Variants in SERP2 observed in about 807,000 individuals in gnomAD.
SERP2 encodes stress-associated endoplasmic reticulum protein 2.
A neutral mutation model predicts 9.1 loss-of-function variants in SERP2; 6 were observed. That is an observed-to-expected ratio of 0.66 (90% CI 0.36 to 1.30). SERP2 has a LOEUF of 1.30. SERP2 is among the 50% of genes most tolerant of loss of function. SERP2 has a pLI of 0.03. For missense variants in SERP2, 58 were observed against 81.9 expected (o/e 0.71, Z 1.13); for synonymous variants, 37 against 27.3 (o/e 1.35, Z -1.10).
chr13:44,378,141 A>G (rs1218553263), intron 1 of SERP2, among the ~76,000 whole-genome samples: 2 of 152,238 alleles, frequency 1.3e-5, no homozygotes, highest in Admixed American at 6.5e-5. Context: ...TTCCTTTTTT[A>G]GATGAGAAGC....
intron 2 of SERP2, among the ~76,000 whole-genome samples, chr13:44,382,974 G>T (rs1872089409): frequency 6.6e-6 from 1 of 152,194 alleles, no homozygotes; most frequent in Non-Finnish European, 1.5e-5. Flanking sequence ...AGAAGAGAAA[G>T]TTTCCAAGGG....
intron 2 of SERP2, among the ~76,000 whole-genome samples, chr13:44,389,094 C>T (rs779940036): frequency 7.9e-5 from 12 of 152,156 alleles, no homozygotes; most frequent in East Asian, 1.9e-4. Context: ...AACTAAGAAA[C>T]GTTTCTTTGT....
chr13:44,390,434 A>AC, intron 2 of SERP2: 1 of 456,254 alleles, frequency 2.2e-6, no homozygotes, highest in Non-Finnish European at 4.4e-6. Flanking sequence ...GAGTCACCCC[A>AC]CCCCCAAGAC....
At chr13:44,387,518 C>T (rs1202445221) in intron 2 of SERP2, among the ~76,000 whole-genome samples, 1 of 152,150 alleles carries the variant, frequency 6.6e-6, no homozygotes, top group Non-Finnish European at 1.5e-5. Context: ...AGAATGCCTC[C>T]TGGACTTGGT....
At chr13:44,391,910 T>C (rs1872791977) in intron 2 of SERP2, among the ~76,000 whole-genome samples, 2 of 151,852 alleles carry the variant, frequency 1.3e-5, no homozygotes, top group Non-Finnish European at 2.9e-5. Flanking sequence ...AAGAATGGCA[T>C]GTGTAAAAGC....
chr13:44,394,584 A>G (rs144586004), intron 2 of SERP2, among the ~76,000 whole-genome samples: 3 of 152,218 alleles, frequency 2.0e-5, no homozygotes, highest in Admixed American at 1.3e-4. Context: ...CATCCTGCTG[A>G]TAAGTTTTTG....
intron 2 of SERP2, among the ~76,000 whole-genome samples, chr13:44,392,123 G>A (rs1200238237): frequency 4.3e-5 from 6 of 140,792 alleles, no homozygotes; most frequent in East Asian, 2.1e-4. Flanking sequence ...GCTTGAACCC[G>A]GAAGACAGAG....
At chr13:44,376,217 CAA>C (rs993087217) in intron 1 of SERP2, among the ~76,000 whole-genome samples, 3 of 152,124 alleles carry the variant, frequency 2.0e-5, no homozygotes, top group Non-Finnish European at 2.9e-5. Flanking sequence ...AATTTTCTTT[CAA>C]AGAGAAACTT....
At chr13:44,395,603 CAAAAAA>C (rs369797464) in intron 2 of SERP2, among the ~76,000 whole-genome samples, 4 of 51,110 alleles carry the variant, frequency 7.8e-5, no homozygotes, top group East Asian at 6.3e-4. Flanking sequence ...GACTCCGTCT[CAAAAAA>C]AAAAAAAAAA....
At position 44,374,062 on chromosome 13, in the gene SERP2, A is replaced by C. The variant is rs768558019; in HGVS notation, c.37A>C (p.Lys13Gln). The C allele has an allele frequency of 6.9e-6, 11 of 1,589,210 alleles. No individual in the cohort carries two copies. In the East Asian group the frequency reaches 1.7e-4, roughly 25 times the overall value. ...ACAGCGGATCCGGATGGCTAACGAG[A>C]AGCACAGCAAAAACATCACCCAGAG... ...AKQRIRMANE[K>Q]HSKNITQRGN... Residue 13 changes from lysine (K) to glutamine (Q), a missense_variant, in exon 1 of 3, where the codon AAG becomes CAG. Lys to Gln is a moderately conservative substitution (Grantham distance 53). Coordinates refer to ENST00000379179, the MANE Select transcript of SERP2 (RefSeq NM_001010897.3).
chr13:44,395,472 C>T (rs1873036376), intron 2 of SERP2, among the ~76,000 whole-genome samples: 1 of 151,874 alleles, frequency 6.6e-6, no homozygotes, highest in South Asian at 2.1e-4. Context: ...GGCATGGTAG[C>T]GGGCACCTGT....
intron 1 of SERP2, 55 bp from the exon 2 acceptor site, chr13:44,379,586 A>G (rs769005782): frequency 1.5e-6 from 2 of 1,339,970 alleles, no homozygotes; most frequent in Non-Finnish European, 2.1e-6. Context: ...TGATACTCAA[A>G]TAATTGTTTA....
intron 2 of SERP2, chr13:44,395,922 A>G: frequency 2.2e-6 from 1 of 449,554 alleles, no homozygotes; most frequent in Admixed American, 2.4e-5. Flanking sequence ...ATGGGAGCCC[A>G]GAAGTGCAGC....
At chr13:44,384,200 C>T (rs867387862) in intron 2 of SERP2, among the ~76,000 whole-genome samples, 1 of 152,160 alleles carries the variant, frequency 6.6e-6, no homozygotes, top group African/African-American at 2.4e-5. Flanking sequence ...CAGAACATGT[C>T]ATGGGAAACA....
At chr13:44,377,728 A>C (rs1228884984) in intron 1 of SERP2, among the ~76,000 whole-genome samples, 1 of 152,244 alleles carries the variant, frequency 6.6e-6, no homozygotes, top group African/African-American at 2.4e-5. Context: ...ATAATCCTAC[A>C]CCAATTAGGA....
At chr13:44,374,797 C>T (rs547277210) in intron 1 of SERP2, among the ~76,000 whole-genome samples, 2 of 152,248 alleles carry the variant, frequency 1.3e-5, no homozygotes, top group Non-Finnish European at 2.9e-5. Context: ...GCGAGACCTC[C>T]CTCAGCCCCT....
At chr13:44,382,895 C>T (rs1035316987) in intron 2 of SERP2, among the ~76,000 whole-genome samples, 2 of 152,114 alleles carry the variant, frequency 1.3e-5, no homozygotes, top group Admixed American at 6.6e-5. Context: ...AAGCGCACTG[C>T]GATAGTGACA....
chr13:44,397,171 A>C, intron 2 of SERP2, 101 bp from the exon 3 acceptor site: 2 of 879,304 alleles, frequency 2.3e-6, no homozygotes, highest in South Asian at 2.7e-5. Flanking sequence ...GTGAGCTAAC[A>C]CGTCAGGGCC....
chr13:44,373,915 TG>T lies in SERP2; in HGVS notation c.-110del. 1 of 1,022,436 alleles carries T rather than the reference TG, an allele frequency of 9.8e-7. No homozygotes were observed. Among genetic ancestry groups the T allele is most frequent in the East Asian group, 3.1e-5 (1 of 31,802 alleles). The allele number at this position is 1,022,436 out of a possible 1,614,324, so 63.3% of individuals were successfully genotyped here. A position where few individuals can be genotyped will look rare whatever the true frequency, so the allele number is the denominator to read the frequency against. On this transcript the variant is annotated 5_prime_UTR_variant, in exon 1 of 3. Transcript: ENST00000379179. The surrounding 1 kb of genome is among the most constrained non-coding windows in gnomAD (Gnocchi z 4.8). ...GGGCTCGGGGCCACGCCTTGCCACC[TG>T]CAGCGCCCGGGTGGGCCGCGGGGGC...
Sources: gnomAD v4.1 joint callset for allele counts (sites outside exome capture counted in the v4.1 genomes callset) on GRCh38, gnomAD v4.1.1 for gene constraint, Gnocchi (gnomAD v3.1) non-coding constraint, MANE v1.5 for transcripts, NCBI Gene and HGNC (gene_info 2026-07-23, HGNC 2026-07-21) for gene names.